Variants in UGT1A8 observed in about 807,000 individuals in gnomAD.
UGT1A8 encodes the protein UDP-glucuronosyltransferase 1A8.
In UGT1A8, 39 loss-of-function variants were observed where a neutral mutation model predicts 45.3. The observed-to-expected ratio is 0.86, with a 90% CI of 0.67 to 1.12. The LOEUF is 1.12. Among genes scored for constraint, UGT1A8 ranks in the 50% most tolerant of loss-of-function variants. The pLI is 0.00. For synonymous variants in UGT1A8, 275 were observed against 249.2 expected, an observed-to-expected ratio of 1.10 and a Z score of -0.97; for missense variants, 719 against 664.9, an observed-to-expected ratio of 1.08 and a Z score of -0.90.
At chr2:233,755,943 TC>T (rs1252557190) in intron 1 of UGT1A8, 1 of 62,766 alleles carries the variant, frequency 1.6e-5, no homozygotes, top group African/African-American at 8.0e-5. Context: ...TTTTTGCATC[TC>T]TCTCTTTAGT....
At chr2:233,724,684 G>A (rs1018251695) in intron 1 of UGT1A8, among the ~76,000 whole-genome samples, 5 of 144,476 alleles carry the variant, frequency 3.5e-5, no homozygotes, top group Non-Finnish European at 6.0e-5. Context: ...ATGGGATGGC[G>A]GCCGGGTGAA....
At chr2:233,743,553 T>G in intron 1 of UGT1A8, 1 of 1,367,178 alleles carries the variant, frequency 7.3e-7, no homozygotes. Flanking sequence ...CCCCCCAAAA[T>G]ATTCTCCAGC....
At chr2:233,771,815 C>T in intron 4 of UGT1A8, among the ~76,000 whole-genome samples, 1 of 135,588 alleles carries the variant, frequency 7.4e-6, no homozygotes, top group Admixed American at 7.6e-5. Flanking sequence ...TTCCTCCTTT[C>T]CTTGCTTCCT....
intron 1 of UGT1A8, among the ~76,000 whole-genome samples, chr2:233,653,377 G>A (rs1480147265): frequency 2.0e-5 from 3 of 152,130 alleles, no homozygotes; most frequent in Non-Finnish European, 4.4e-5. Context: ...TGTATCAATT[G>A]TGAGAAGATG....
In UGT1A8 at chr2:233,719,593, G is replaced by A. The variant is rs760663829; in HGVS notation, c.856-47441G>A. 68 of 1,613,802 alleles carry A rather than the reference G, an allele frequency of 4.2e-5. No homozygotes were observed. The South Asian group carries it at 4.3e-4, about 10-fold the overall frequency. On this transcript the variant is annotated intron_variant, in intron 1 of 4. Coordinates refer to ENST00000373450, the MANE Select transcript of UGT1A8 (RefSeq NM_019076.5). ...AGCTATGCATCCGTGTGGCTGTTCC[G>A]AGGGGACTTTGTGATGGACTACCCC...
intron 1 of UGT1A8, among the ~76,000 whole-genome samples, chr2:233,709,024 G>A (rs994653845): frequency 6.6e-6 from 1 of 152,068 alleles, no homozygotes; most frequent in Non-Finnish European, 1.5e-5. Flanking sequence ...CAAGCAGCAG[G>A]GGCTTCAGCC....
At chr2:233,672,279 C>A in intron 1 of UGT1A8, 1 of 1,613,760 alleles carries the variant, frequency 6.2e-7, no homozygotes, top group Admixed American at 1.7e-5. Flanking sequence ...CATACAATGA[C>A]ATTTTTGACT....
At chr2:233,664,799 A>G (rs1466048463) in intron 1 of UGT1A8, among the ~76,000 whole-genome samples, 1 of 152,182 alleles carries the variant, frequency 6.6e-6, no homozygotes, top group Non-Finnish European at 1.5e-5. Context: ...CCAAGCTATA[A>G]CACTGAACTG....
chr2:233,672,575 T>G (rs369779434), intron 1 of UGT1A8: 1 of 1,613,968 alleles, frequency 6.2e-7, no homozygotes, highest in Non-Finnish European at 8.5e-7. Context: ...ATCATGCACT[T>G]GGAGGAACAT....
In UGT1A8 at chr2:233,671,935, A is replaced by G. The variant is rs201915661; in HGVS notation, c.855+53373A>G. ...GCTTGCTCTCAGCTGCAGTTCTCTG[A>G]TGGCTTGCACAGGGTGGACCAGCCC... On this transcript the variant is annotated intron_variant, in intron 1 of 4. Transcript: ENST00000373450. 5.6e-6 allele frequency: 9 copies of G among 1,604,800 alleles called. No homozygotes were observed. The East Asian group carries it at 2.0e-4, about 36-fold the overall frequency.
chr2:233,721,426 G>A (rs2076944499), intron 1 of UGT1A8: 1 of 156,732 alleles, frequency 6.4e-6, no homozygotes, highest in African/African-American at 2.4e-5. Flanking sequence ...CCTAAGCATT[G>A]TGGTTTTAAT....
At position 233,708,055 on chromosome 2, in the gene UGT1A8, C is replaced by G. The variant is rs77717552; in HGVS notation, c.856-58979C>G. On this transcript the variant is annotated intron_variant, in intron 1 of 4. Transcript: ENST00000373450. ...GTTATAGATATTGCAAATATCTTCC[C>G]CCACTCTGCATCTTGCTTTTTACTT... Among the ~76,000 whole-genome samples the G allele has an allele frequency of 8.8e-3, 1,337 of 152,226 alleles. 30 individuals carry two copies. Among genetic ancestry groups the G allele is most frequent in the African/African-American group, 0.03 (1,248 of 41,548 alleles).
At chr2:233,718,693 G>A in intron 1 of UGT1A8, 3 of 1,590,692 alleles carry the variant, frequency 1.9e-6, no homozygotes. Context: ...ACTGGAGGAG[G>A]GCACTTTGTC....
At chr2:233,721,050 TG>T (rs1173699301) in intron 1 of UGT1A8, among the ~76,000 whole-genome samples, 91 of 152,238 alleles carry the variant, frequency 6.0e-4, no homozygotes, top group Non-Finnish European at 3.1e-4. Context: ...AGCCCTTTTT[TG>T]TCATATTCAC....
chr2:233,618,528 G>T lies in UGT1A8; in HGVS notation c.821G>T (p.Gly274Val). ...PVMPNMIFIGGINCHQGKPLP... is the reference protein window; with the variant it reads ...PVMPNMIFIGVINCHQGKPLP... Reference sequence around the variant, plus strand: ...ATGCCCAATATGATCTTCATTGGTGGTATCAACTGCCATCAGGGAAAGCCA... The same window carrying T: ...ATGCCCAATATGATCTTCATTGGTGTTATCAACTGCCATCAGGGAAAGCCA... The change falls in exon 1 of 5, where the codon GGT (glycine) becomes GTT (valine). Residue 274 changes from glycine to valine, a missense_variant. By Grantham distance (109) the Gly-to-Val change is moderately radical. Coordinates refer to ENST00000373450, the MANE Select transcript of UGT1A8 (RefSeq NM_019076.5). The T allele has an allele frequency of 1.2e-6, 2 of 1,613,800 alleles. No homozygotes were observed. Among genetic ancestry groups the T allele is most frequent in the Non-Finnish European group, 1.7e-6 (2 of 1,179,808 alleles).
intron 1 of UGT1A8, chr2:233,637,309 A>T: frequency 6.2e-7 from 1 of 1,613,970 alleles, no homozygotes; most frequent in Non-Finnish European, 8.5e-7. Flanking sequence ...GGACTATCCC[A>T]AACCCGTGAT....
intron 1 of UGT1A8, among the ~76,000 whole-genome samples, chr2:233,728,608 G>A (rs535590480): frequency 1.3e-5 from 2 of 152,290 alleles, no homozygotes; most frequent in South Asian, 4.2e-4. Context: ...CAGCCTCCAC[G>A]CTGTTCAGAG....
chr2:233,769,853 G>A lies in UGT1A8; in HGVS notation c.1295+1414G>A. 2 of 388,620 alleles carry A rather than the reference G, an allele frequency of 5.1e-6. No homozygotes were observed. The highest frequency in any genetic ancestry group is 7.0e-5 in the South Asian group (1 of 14,300). The allele number at this position is 388,620 out of a possible 1,614,324, so 24.1% of individuals were successfully genotyped here. A position where few individuals can be genotyped will look rare whatever the true frequency, so the allele number is the denominator to read the frequency against. ...AACCTGGGCAACAGAGTGAGACCCT[G>A]TCTCAAAAAAAAAAAAAAAAATGAA... is the stretch of plus-strand genomic sequence containing the variant. On this transcript the variant is annotated intron_variant, in intron 4 of 4. Transcript: ENST00000373450. This position sits in a 1 kb window ranked among gnomAD's most constrained non-coding sequence, Gnocchi z 4.4.
At chr2:233,754,942 A>T in intron 1 of UGT1A8, 4 of 1,333,346 alleles carry the variant, frequency 3.0e-6, no homozygotes, top group Non-Finnish European at 4.0e-6. Flanking sequence ...TCAAAGGAGA[A>T]TGGGTCCCGG....
Sources: gnomAD v4.1 joint callset for allele counts (sites outside exome capture counted in the v4.1 genomes callset) on GRCh38, gnomAD v4.1.1 for gene constraint, Gnocchi (gnomAD v3.1) non-coding constraint, MANE v1.5 for transcripts, NCBI Gene and HGNC (gene_info 2026-07-23, HGNC 2026-07-21) for gene names.